Variants in COL23A1 observed in about 807,000 individuals in gnomAD.
The protein encoded by COL23A1 is collagen type XXIII alpha 1 chain.
Under a neutral mutation model 99.3 loss-of-function variants are expected in COL23A1, and 97 were observed. The ratio of observed to expected loss-of-function variants is 0.98; its 90% CI spans 0.83 to 1.16. The LOEUF is 1.16. Among genes scored for constraint, COL23A1 ranks in the 50% most tolerant of loss-of-function variants. The pLI is 0.00. For missense variants in COL23A1, 762 were observed against 757.4 expected (o/e 1.01, Z -0.07); for synonymous variants, 320 against 308.2 (o/e 1.04, Z -0.40).
chr5:178,559,742 C>T (rs577543068), intron 2 of COL23A1, among the ~76,000 whole-genome samples: 5 of 147,664 alleles, frequency 3.4e-5, no homozygotes, highest in Non-Finnish European at 5.9e-5. Flanking sequence ...CCCTGCATGT[C>T]GAGAAGTCTG....
At chr5:178,431,346 C>A (rs1766253494) in intron 2 of COL23A1, among the ~76,000 whole-genome samples, 1 of 152,192 alleles carries the variant, frequency 6.6e-6, no homozygotes, top group Non-Finnish European at 1.5e-5. Flanking sequence ...TGGGACACAG[C>A]TGCCATGGTG....
intron 2 of COL23A1, among the ~76,000 whole-genome samples, chr5:178,416,293 G>C (rs1765304318): frequency 6.6e-6 from 1 of 152,198 alleles, no homozygotes; most frequent in African/African-American, 2.4e-5. Context: ...GAGAGGTTCA[G>C]TCTTAGAGAT....
intron 2 of COL23A1, among the ~76,000 whole-genome samples, chr5:178,425,266 T>C (rs1158433543): frequency 6.6e-6 from 1 of 151,718 alleles, no homozygotes; most frequent in East Asian, 1.9e-4. Flanking sequence ...CTACTAAAAA[T>C]ACAAAATTAG....
At chr5:178,499,327 A>G (rs1758400205) in intron 2 of COL23A1, among the ~76,000 whole-genome samples, 1 of 152,184 alleles carries the variant, frequency 6.6e-6, no homozygotes, top group African/African-American at 2.4e-5. Context: ...GGATAATTTT[A>G]CAGCGGAAAA....
chr5:178,469,941 G>A (rs2127928916), intron 2 of COL23A1, among the ~76,000 whole-genome samples: 1 of 152,274 alleles, frequency 6.6e-6, no homozygotes. Flanking sequence ...CCTCTCACTG[G>A]TCTTTCTCAT....
intron 26 of COL23A1, 90 bp from the exon 27 acceptor site, chr5:178,242,218 C>T: frequency 1.4e-6 from 2 of 1,455,342 alleles, no homozygotes; most frequent in East Asian, 2.5e-5. Flanking sequence ...TGGGGCCAGC[C>T]TCCCCCTGCC....
intron 2 of COL23A1, among the ~76,000 whole-genome samples, chr5:178,543,376 G>C (rs1342895042): frequency 6.6e-6 from 1 of 152,062 alleles, no homozygotes; most frequent in African/African-American, 2.4e-5. Context: ...CAAAGTGCTG[G>C]GATTACAGGC....
intron 2 of COL23A1, among the ~76,000 whole-genome samples, chr5:178,346,939 A>G (rs1761005767): frequency 6.6e-6 from 1 of 152,206 alleles, no homozygotes. Flanking sequence ...TCACCAAGGC[A>G]TGATTTTCCT....
At chr5:178,562,119 A>C in intron 1 of COL23A1, 1 of 519,920 alleles carries the variant, frequency 1.9e-6, no homozygotes, top group Non-Finnish European at 3.7e-6. Context: ...GCAGGCGCCT[A>C]TAATCCCAGC....
chr5:178,430,993 A>G (rs6861139), intron 2 of COL23A1, among the ~76,000 whole-genome samples: 96,709 of 151,994 alleles, frequency 0.64, 33,092 homozygotes, highest in African/African-American at 0.91. Flanking sequence ...GTGGAGGAAG[A>G]GATGCCAGAG....
chr5:178,561,595 C>T (rs958643859), intron 1 of COL23A1, among the ~76,000 whole-genome samples: 8 of 152,094 alleles, frequency 5.3e-5, no homozygotes, highest in Admixed American at 2.0e-4. Flanking sequence ...CTAGGTTGAG[C>T]GGAATGAAGC....
At chr5:178,510,465 C>G (rs1209874440) in intron 2 of COL23A1, among the ~76,000 whole-genome samples, 1 of 152,118 alleles carries the variant, frequency 6.6e-6, no homozygotes, top group Non-Finnish European at 1.5e-5. Flanking sequence ...TCACCTGAAC[C>G]AGGAGGCGGA....
chr5:178,583,570 G>A (rs1312126672), intron 1 of COL23A1, among the ~76,000 whole-genome samples: 1 of 152,168 alleles, frequency 6.6e-6, no homozygotes, highest in Non-Finnish European at 1.5e-5. Flanking sequence ...CGGGTAATCC[G>A]TATTGTTAGA....
chr5:178,523,201 T>TATATAGAGAGAG (rs1223542330), intron 2 of COL23A1, among the ~76,000 whole-genome samples: 2,028 of 77,228 alleles, frequency 0.026, 32 homozygotes, highest in Admixed American at 0.046. Context: ...TATATATATA[T>TATATAGAGAGAG]AGAGAGAGAG....
intron 2 of COL23A1, among the ~76,000 whole-genome samples, chr5:178,324,196 A>AC (rs1759509884): frequency 6.6e-6 from 1 of 151,712 alleles, no homozygotes; most frequent in African/African-American, 2.4e-5. Flanking sequence ...GCTTGGCCCC[A>AC]CCCCCGTTTC....
chr5:178,488,608 G>A (rs573966910), intron 2 of COL23A1, among the ~76,000 whole-genome samples: 1 of 151,694 alleles, frequency 6.6e-6, no homozygotes, highest in Non-Finnish European at 1.5e-5. Flanking sequence ...ACTCAGATTT[G>A]CACAGCAGGC....
At position 178,428,211 on chromosome 5, in the gene COL23A1, C is replaced by T. The variant is rs1581373225; in HGVS notation, c.362-121292G>A. Reference sequence around the variant, plus strand: ...TGAGCAATCGTGTCCCCTTAGGTGACCAAGCCTTCTGCTGTGGGCTCCCCG... The same window carrying T: ...TGAGCAATCGTGTCCCCTTAGGTGATCAAGCCTTCTGCTGTGGGCTCCCCG... On this transcript the variant is annotated intron_variant, in intron 2 of 28. Transcript: ENST00000390654. This position sits in a 1 kb window ranked among gnomAD's most constrained non-coding sequence, Gnocchi z 5.0. Among the ~76,000 whole-genome samples, 1 of 152,210 alleles carries T rather than the reference C, an allele frequency of 6.6e-6. No individual in the cohort carries two copies.
chr5:178,533,842 T>C (rs632346), intron 2 of COL23A1, among the ~76,000 whole-genome samples: 2 of 152,122 alleles, frequency 1.3e-5, no homozygotes, highest in African/African-American at 4.8e-5. Flanking sequence ...TGAAGGAATA[T>C]ATAATATATA....
intron 2 of COL23A1, among the ~76,000 whole-genome samples, chr5:178,445,673 C>G (rs1358341603): frequency 1.3e-5 from 2 of 152,016 alleles, no homozygotes; most frequent in Non-Finnish European, 2.9e-5. Flanking sequence ...AGATGAAGTA[C>G]AGAGAGTTTA....
Sources: gnomAD v4.1 joint callset for allele counts (sites outside exome capture counted in the v4.1 genomes callset) on GRCh38, gnomAD v4.1.1 for gene constraint, Gnocchi (gnomAD v3.1) non-coding constraint, MANE v1.5 for transcripts, NCBI Gene and HGNC (gene_info 2026-07-23, HGNC 2026-07-21) for gene names.